GTSF1: variants seen among roughly 807,000 people sequenced by gnomAD.
The protein encoded by GTSF1 is gametocyte specific factor 1, also known as gametocyte-specific factor 1.
In GTSF1, 11 loss-of-function variants were observed where a neutral mutation model predicts 28.9. The ratio of observed to expected loss-of-function variants is 0.38; its 90% CI spans 0.24 to 0.63. The LOEUF is 0.63. Among genes scored for constraint, GTSF1 ranks in the 30% least tolerant of loss-of-function variants. The pLI is 0.56. For missense variants in GTSF1, 146 were observed against 201.0 expected, an observed-to-expected ratio of 0.73 and a Z score of 1.66; for synonymous variants, 69 against 65.6, an observed-to-expected ratio of 1.05 and a Z score of -0.25.
At chr12:54,460,749 T>C (rs1956408511) in intron 6 of GTSF1, among the ~76,000 whole-genome samples, 1 of 152,212 alleles carries the variant, frequency 6.6e-6, no homozygotes, top group Non-Finnish European at 1.5e-5. Context: ...TGTTCAGCTG[T>C]ATGACAGGCT....
chr12:54,467,643 G>A (rs1757184001), intron 2 of GTSF1, among the ~76,000 whole-genome samples: 1 of 151,690 alleles, frequency 6.6e-6, no homozygotes, highest in South Asian at 2.1e-4. Flanking sequence ...CTTGCAATTT[G>A]CTTTTTTTTC....
chr12:54,469,564 T>C (rs1174109109), intron 2 of GTSF1, among the ~76,000 whole-genome samples: 1 of 150,916 alleles, frequency 6.6e-6, no homozygotes, highest in East Asian at 2.0e-4. Flanking sequence ...GGCATGCACC[T>C]GTAGTACCAG....
intron 8 of GTSF1, among the ~76,000 whole-genome samples, chr12:54,456,436 T>C (rs1308394777): frequency 6.6e-6 from 1 of 152,252 alleles, no homozygotes; most frequent in East Asian, 1.9e-4. Context: ...TATCAGGAAA[T>C]TGATTCATTC....
At chr12:54,467,489 A>AT (rs1456145635) in intron 2 of GTSF1, among the ~76,000 whole-genome samples, 1 of 151,492 alleles carries the variant, frequency 6.6e-6, no homozygotes, top group Non-Finnish European at 1.5e-5. Context: ...TAATTTTTGT[A>AT]TTTTTAGTAG....
At chr12:54,465,042 G>A (rs1418652583) in intron 3 of GTSF1, 25 bp downstream of exon 3, 2 of 1,490,024 alleles carry the variant, frequency 1.3e-6, no homozygotes, top group Non-Finnish European at 1.9e-6. Context: ...TCAGGAGGGT[G>A]TTAGAGGGCA....
rs777674514 is a variant in GTSF1 at position 54,462,182 on chromosome 12, GA to G, written c.329-11del. On this transcript the variant is annotated splice_polypyrimidine_tract_variant and intron_variant, in intron 5 of 8. Coordinates refer to ENST00000305879, the MANE Select transcript of GTSF1 (RefSeq NM_144594.3). ...GTCTGCTCCCACAAATCTGTTAAAG[GA>G]AGCAAAACATAGTTTGTGGTACTAC... 50 of 1,608,700 alleles carry G rather than the reference GA, an allele frequency of 3.1e-5. No individual in the cohort carries two copies. The highest frequency in any genetic ancestry group is 1.7e-4 in the Middle Eastern group (1 of 6,052).
At chr12:54,462,008 A>G (rs1956430632) in intron 6 of GTSF1, 101 bp downstream of exon 6, 1 of 781,356 alleles carries the variant, frequency 1.3e-6, no homozygotes, top group East Asian at 2.5e-5. Context: ...ATCAAGGAAC[A>G]TCGTTAAAGA....
At chr12:54,458,811 AG>A (rs1198914121) in intron 8 of GTSF1, among the ~76,000 whole-genome samples, 3,194 of 152,064 alleles carry the variant, frequency 0.021, 122 homozygotes, top group African/African-American at 0.073. Flanking sequence ...GAGGCATGAT[AG>A]ATCTAGAATG....
intron 8 of GTSF1, among the ~76,000 whole-genome samples, chr12:54,458,288 T>A (rs1565656458): frequency 6.6e-6 from 1 of 152,256 alleles, no homozygotes; most frequent in East Asian, 1.9e-4. Context: ...TCTCTTCACA[T>A]AGATTTTGTG....
At chr12:54,465,387 T>A (rs1267342766) in intron 2 of GTSF1, among the ~76,000 whole-genome samples, 1 of 152,190 alleles carries the variant, frequency 6.6e-6, no homozygotes, top group Non-Finnish European at 1.5e-5. Flanking sequence ...AGTCTCAGTT[T>A]CATATTGAAC....
chr12:54,461,983 C>A, intron 6 of GTSF1, 126 bp downstream of exon 6: 2 of 654,592 alleles, frequency 3.1e-6, no homozygotes, highest in South Asian at 2.0e-5. Context: ...AAAACAATAT[C>A]TAGACTAAAC....
intron 6 of GTSF1, among the ~76,000 whole-genome samples, chr12:54,461,004 C>T (rs374201594): frequency 6.6e-6 from 1 of 152,188 alleles, no homozygotes; most frequent in Non-Finnish European, 1.5e-5. Context: ...CATCTTATTC[C>T]TTCATTTCCT....
intron 8 of GTSF1, among the ~76,000 whole-genome samples, chr12:54,458,404 ACT>A (rs1243077348): frequency 6.6e-6 from 1 of 152,112 alleles, no homozygotes; most frequent in African/African-American, 2.4e-5. Context: ...ACATAATCTT[ACT>A]CTGTGGCCCA....
chr12:54,461,049 G>C lies in GTSF1; in HGVS notation c.393-578C>G, dbSNP rs188953269. Among the ~76,000 whole-genome samples the C allele has an allele frequency of 3.0e-3, 462 of 152,218 alleles. 2 individuals are homozygous for C. Among genetic ancestry groups the C allele is most frequent in the African/African-American group, 0.01 (430 of 41,540 alleles). On this transcript the variant is annotated intron_variant, in intron 6 of 8. Coordinates refer to ENST00000305879, the MANE Select transcript of GTSF1 (RefSeq NM_144594.3). The stretch of plus-strand genomic sequence containing the variant: ...ATATTCTCATTTGGGTTTGAAACTT[G>C]ATCTTCCAAGGTTTGAGTATTGGTG...
At chr12:54,468,051 G>A (rs766760984) in intron 2 of GTSF1, among the ~76,000 whole-genome samples, 4 of 152,070 alleles carry the variant, frequency 2.6e-5, no homozygotes, top group African/African-American at 7.2e-5. Flanking sequence ...GTGAGCCACC[G>A]CGCCTGGCCC....
At chr12:54,467,920 C>T (rs11170914) in intron 2 of GTSF1, among the ~76,000 whole-genome samples, 11,928 of 151,476 alleles carry the variant, frequency 0.079, 1,394 homozygotes, top group East Asian at 0.55. Context: ...ATTACAGGCA[C>T]CCGCCACCAT....
chr12:54,471,564 A>G (rs1218348876), intron 1 of GTSF1, among the ~76,000 whole-genome samples: 1 of 151,456 alleles, frequency 6.6e-6, no homozygotes, highest in Non-Finnish European at 1.5e-5. Context: ...TATTTGGGTG[A>G]TAAGATGTCT....
intron 2 of GTSF1, among the ~76,000 whole-genome samples, chr12:54,468,344 C>T (rs1358460303): frequency 6.6e-6 from 1 of 152,112 alleles, no homozygotes; most frequent in Non-Finnish European, 1.5e-5. Context: ...TGGTCTCAAA[C>T]TCCTAGCCTC....
Position 54,471,252 on chromosome 12 carries a change from G to A in GTSF1, c.-4C>T. ...ACATACTGTAAGTTTCTTCCATGTT[G>A]GAAATGAAGAAGCTGAATCCAAGTG... On this transcript the variant is annotated 5_prime_UTR_variant, in exon 2 of 9. Coordinates refer to ENST00000305879, the MANE Select transcript of GTSF1 (RefSeq NM_144594.3). The A allele has an allele frequency of 6.3e-7, 1 of 1,589,964 alleles. No homozygotes were observed. The highest frequency in any genetic ancestry group is 1.2e-5 in the South Asian group (1 of 85,684).
Sources: allele counts gnomAD v4.1 joint callset (sites outside exome capture counted in the v4.1 genomes callset), GRCh38; gene constraint gnomAD v4.1.1; transcripts MANE v1.5; gene names NCBI Gene and HGNC (gene_info 2026-07-23, HGNC 2026-07-21).